The following BAIAP2L2 variants were observed in gnomAD, a reference collection of about 807,000 sequenced individuals.
BAIAP2L2 encodes the protein BAR/IMD domain containing adaptor protein 2 like 2.
In BAIAP2L2, 65 loss-of-function variants were observed where a neutral mutation model predicts 60.4. The ratio of observed to expected loss-of-function variants is 1.08; its 90% CI spans 0.88 to 1.32. The LOEUF (loss-of-function observed/expected upper bound fraction) is 1.32. Among genes scored for constraint, BAIAP2L2 ranks in the 40% most tolerant of loss-of-function variants. The probability of loss-of-function intolerance (pLI) is 0.00; values close to 1 mark genes in which losing one functional copy is unlikely to be tolerated. For missense variants in BAIAP2L2, 836 were observed against 741.2 expected (o/e 1.13, Z -1.48); for synonymous variants, 344 against 301.7 (o/e 1.14, Z -1.45).
chr22:38,096,375 C>A (rs1468742142), intron 7 of BAIAP2L2, among the ~76,000 whole-genome samples: 1 of 152,142 alleles, frequency 6.6e-6, no homozygotes, highest in African/African-American at 2.4e-5. Flanking sequence ...GATAAAATGG[C>A]TGGGTATGGT....
rs773871255 is a variant in BAIAP2L2, at chr22:38,089,008, C to T, written c.902-44G>A. The T allele has an allele frequency of 2.0e-6, 3 of 1,464,270 alleles. No individual in the cohort carries two copies. The South Asian group carries it at 4.1e-5, about 20-fold the overall frequency. 90.7% of individuals were successfully genotyped at this position (1,464,270 alleles called of 1,614,324 possible). On this transcript the variant is annotated intron_variant, in intron 9 of 13. Coordinates refer to ENST00000381669, the MANE Select transcript of BAIAP2L2 (RefSeq NM_025045.6). ...GGCGGCACGTGGGCAGGAAGTTCTTCCTGGCGTCTGCCCTCGATCCCTCCT... is the reference window on the plus strand; with the variant it reads ...GGCGGCACGTGGGCAGGAAGTTCTTTCTGGCGTCTGCCCTCGATCCCTCCT...
Position 38,109,184 on chromosome 22 carries a change from C to A in BAIAP2L2, c.76G>T (p.Ala26Ser). ...YKSIMEQFNP[A>S]LENLVYLGNN... is the part of the protein sequence containing the mutation. ...CCCAGGTACACCAGGTTCTCCAGGG[C>A]GGGGTTAAACTGCTCCATGATGCTC... is the stretch of plus-strand genomic sequence containing the variant. The change falls in exon 2 of 14, where the codon GCC becomes TCC. Residue 26 changes from alanine to serine, a missense_variant. Coordinates refer to ENST00000381669, the MANE Select transcript of BAIAP2L2 (RefSeq NM_025045.6). 1.2e-6 allele frequency: 2 copies of A among 1,612,634 alleles called. No homozygotes were observed. The highest frequency in any genetic ancestry group is 1.7e-4 in the Middle Eastern group (1 of 6,050).
rs2086002683 is a variant in BAIAP2L2 at position 38,084,911 on chromosome 22, T to C, written c.*389A>G. ...TGCTGCCGCATCACTTTGCGTCCAC[T>C]TCCTTTATTTCTCATCATTTACAAA... On this transcript the variant is annotated 3_prime_UTR_variant, in exon 14 of 14. Transcript: ENST00000381669. 1.5e-5 allele frequency: 3 copies of C among 197,172 alleles called. No individual in the cohort carries two copies. The highest frequency in any genetic ancestry group is 2.1e-5 in the Non-Finnish European group (2 of 95,086). The allele number at this position is 197,172 out of a possible 1,614,324, so 12.2% of individuals were successfully genotyped here.
intron 10 of BAIAP2L2, among the ~76,000 whole-genome samples, chr22:38,087,769 T>TC (rs2086140727): frequency 6.9e-6 from 1 of 145,912 alleles, no homozygotes; most frequent in Non-Finnish European, 1.5e-5. Context: ...CTATACTCCA[T>TC]CCCCCGTGTA....
chr22:38,107,269 C>T (rs1270423208), intron 4 of BAIAP2L2, among the ~76,000 whole-genome samples: 1 of 152,040 alleles, frequency 6.6e-6, no homozygotes, highest in African/African-American at 2.4e-5. Flanking sequence ...CAGCTGCTTC[C>T]CAACTGGACG....
intron 7 of BAIAP2L2, among the ~76,000 whole-genome samples, chr22:38,095,399 C>G (rs1164694627): frequency 6.6e-6 from 1 of 152,128 alleles, no homozygotes; most frequent in African/African-American, 2.4e-5. Flanking sequence ...TAGTCTCACT[C>G]TGTCGCCCAG....
Position 38,086,406 on chromosome 22 carries a change from C to T in BAIAP2L2, c.1303G>A (p.Asp435Asn). The T allele has an allele frequency of 6.5e-7, 1 of 1,530,262 alleles. No homozygotes were observed. Among genetic ancestry groups the T allele is most frequent in the Non-Finnish European group, 8.8e-7 (1 of 1,133,666 alleles). 94.8% of individuals were successfully genotyped at this position (1,530,262 alleles called of 1,614,324 possible). A position where few individuals can be genotyped will look rare whatever the true frequency, so the allele number is the denominator to read the frequency against. ...GGTGCTATGGAGTTGCCCGGCCGGT[C>T]CAGGAGGTCATCGAGGCTGTGGCTG... ...RGSHSLDDLLDRPGNSIAPSE... is the reference protein window; with the variant it reads ...RGSHSLDDLLNRPGNSIAPSE... Residue 435 changes from aspartate to asparagine, a missense_variant, in exon 12 of 14, where the codon GAC (aspartate) becomes AAC (asparagine). Transcript: ENST00000381669.
chr22:38,108,043 C>G (rs2086702176), intron 3 of BAIAP2L2, 130 bp from the exon 4 acceptor site: 1 of 1,065,776 alleles, frequency 9.4e-7, no homozygotes, highest in Non-Finnish European at 1.4e-6. Flanking sequence ...CCGGGAACTT[C>G]CCATATGGTT....
intron 4 of BAIAP2L2, among the ~76,000 whole-genome samples, chr22:38,100,122 C>T (rs553078843): frequency 3.3e-5 from 5 of 152,244 alleles, no homozygotes; most frequent in South Asian, 2.1e-4. Context: ...AGTGATACAA[C>T]GGTGAACAGA....
At position 38,110,656 on chromosome 22, in the gene BAIAP2L2, G is replaced by GA; in HGVS notation, c.-132dup. ...CGAGGAAGCCTCGGAGAGGGACCTGGAGATGGAGGCCTGCCTCAGAGGAGT... is the reference window on the plus strand; with the variant it reads ...CGAGGAAGCCTCGGAGAGGGACCTGGAAGATGGAGGCCTGCCTCAGAGGAGT... On this transcript the variant is annotated 5_prime_UTR_variant, in exon 1 of 14. Transcript: ENST00000381669. 4 of 665,158 alleles carry GA rather than the reference G, an allele frequency of 6.0e-6. No homozygotes were observed. The highest frequency in any genetic ancestry group is 1.0e-5 in the Non-Finnish European group (4 of 397,902). 41.2% of individuals were successfully genotyped at this position (665,158 alleles called of 1,614,324 possible). A position where few individuals can be genotyped will look rare whatever the true frequency, so the allele number is the denominator to read the frequency against.
rs374671605 is a variant in BAIAP2L2, at chr22:38,098,185, G to A, written c.349-6C>T. The A allele has an allele frequency of 6.2e-6, 10 of 1,613,704 alleles. No homozygotes were observed. Among genetic ancestry groups the A allele is most frequent in the Non-Finnish European group, 7.6e-6 (9 of 1,179,874 alleles). ...TCATAGTGCTGGCGGCTGTCCTGGG[G>A]TAGGGTGGAGTCGGGGAGGGAGAAT... On this transcript the variant is annotated splice_polypyrimidine_tract_variant and splice_region_variant and intron_variant, in intron 5 of 13. Coordinates refer to ENST00000381669, the MANE Select transcript of BAIAP2L2 (RefSeq NM_025045.6).
At position 38,110,379 on chromosome 22, in the gene BAIAP2L2, T is replaced by C. The variant is rs1472317132; in HGVS notation, c.51+96A>G. 3.3e-5 allele frequency: 42 copies of C among 1,284,036 alleles called. 1 individual carries two copies. Among genetic ancestry groups the C allele is most frequent in the South Asian group, 5.1e-5 (4 of 79,018 alleles). 79.5% of individuals were successfully genotyped at this position (1,284,036 alleles called of 1,614,324 possible). On this transcript the variant is annotated intron_variant, in intron 1 of 13. Transcript: ENST00000381669. ...TCCAGGCTTCCCTTTCCAGGACATCTGTAGCCCCGGCTGGCCCTCCGTCCT... is the reference window on the plus strand; with the variant it reads ...TCCAGGCTTCCCTTTCCAGGACATCCGTAGCCCCGGCTGGCCCTCCGTCCT...
At position 38,085,109 on chromosome 22, in the gene BAIAP2L2, T is replaced by C; in HGVS notation, c.*191A>G. On this transcript the variant is annotated 3_prime_UTR_variant, in exon 14 of 14. Transcript: ENST00000381669. ...TGTCCCCCCATTCCGCCTGCTTTAC[T>C]TTGAAGGTCTCGGACCCCAAGCCAG... 1 of 575,878 alleles carries C rather than the reference T, an allele frequency of 1.7e-6. No homozygotes were observed. Among genetic ancestry groups the C allele is most frequent in the South Asian group, 2.0e-5 (1 of 50,508 alleles). 35.7% of individuals were successfully genotyped at this position (575,878 alleles called of 1,614,324 possible).
intron 7 of BAIAP2L2, among the ~76,000 whole-genome samples, chr22:38,093,019 T>C (rs528985222): frequency 6.6e-6 from 1 of 151,920 alleles, no homozygotes; most frequent in East Asian, 1.9e-4. Flanking sequence ...ATACAAAAAT[T>C]AACGGGCATG....
At chr22:38,098,519 C>T in intron 4 of BAIAP2L2, 37 bp from the exon 5 acceptor site, 1 of 1,570,666 alleles carries the variant, frequency 6.4e-7, no homozygotes. Flanking sequence ...TCAAGGCCCC[C>T]CTACTGTTCC....
At chr22:38,087,076 C>T (rs772029441) in intron 11 of BAIAP2L2, 48 bp downstream of exon 11, 23 of 1,480,406 alleles carry the variant, frequency 1.6e-5, no homozygotes, top group Non-Finnish European at 2.1e-5. Flanking sequence ...GGCAGTGACA[C>T]CCTTGCCGGC....
In BAIAP2L2 at chr22:38,097,152, C is replaced by T. The variant is rs1474215828; in HGVS notation, c.492G>A (p.Gln164=). 2 of 1,613,860 alleles carry T rather than the reference C, an allele frequency of 1.2e-6. No individual in the cohort carries two copies. Among genetic ancestry groups the T allele is most frequent in the Admixed American group, 1.7e-5 (1 of 60,030 alleles). Residue 164 remains glutamine (Q), a synonymous_variant, in exon 7 of 14, where the codon CAG becomes CAA. Coordinates refer to ENST00000381669, the MANE Select transcript of BAIAP2L2 (RefSeq NM_025045.6). ...GACTCTCAGACACGAAGGCCTGCAT[C>T]TGTGCGTGCAGCCGGTTCACACTCT... ...MKESVNRLHA[Q]MQAFVSESQR...
intron 10 of BAIAP2L2, among the ~76,000 whole-genome samples, chr22:38,088,014 C>A (rs1398400508): frequency 6.6e-6 from 1 of 152,162 alleles, no homozygotes; most frequent in East Asian, 1.9e-4. Context: ...ACTCATCCAT[C>A]CGTGGGCTGG....
chr22:38,090,943 CCT>C (rs2086283970), intron 7 of BAIAP2L2: 1 of 152,332 alleles, frequency 6.6e-6, no homozygotes, highest in African/African-American at 2.4e-5. Flanking sequence ...GTGGACAGCC[CCT>C]CTGTTTCCCT....
Sources: allele counts gnomAD v4.1 joint callset (sites outside exome capture counted in the v4.1 genomes callset), GRCh38; gene constraint gnomAD v4.1.1; transcripts MANE v1.5; gene names NCBI Gene and HGNC (gene_info 2026-07-23, HGNC 2026-07-21).